RPS6KA2: variants seen among roughly 807,000 people sequenced by gnomAD.
RPS6KA2 encodes the protein ribosomal protein S6 kinase A2, also known as ribosomal protein S6 kinase alpha-2.
Under a neutral mutation model 91.8 loss-of-function variants are expected in RPS6KA2, and 42 were observed. The ratio of observed to expected loss-of-function variants is 0.46; its 90% confidence interval spans 0.36 to 0.59. The LOEUF (loss-of-function observed/expected upper bound fraction) is 0.59, where lower values mean the gene tolerates loss of function less well. Among genes scored for constraint, RPS6KA2 ranks in the 20% least tolerant of loss-of-function variants. The probability of loss-of-function intolerance (pLI) is 0.00; values close to 1 mark genes in which losing one functional copy is unlikely to be tolerated. For synonymous variants in RPS6KA2, 414 were observed against 393.6 expected (o/e 1.05, Z -0.61); for missense variants, 798 against 978.5 (o/e 0.82, Z 2.46).
At chr6:166,531,620 C>CA (rs1244658805) in intron 2 of RPS6KA2, among the ~76,000 whole-genome samples, 1 of 152,140 alleles carries the variant, frequency 6.6e-6, no homozygotes, top group African/African-American at 2.4e-5. Context: ...TTTAGAAAAA[C>CA]AAACAGGAGT....
chr6:166,653,059 A>C (rs2223407), intron 2 of RPS6KA2, among the ~76,000 whole-genome samples: 17,322 of 152,004 alleles, frequency 0.11, 1,068 homozygotes, highest in South Asian at 0.17. Flanking sequence ...TTTCTCTCCT[A>C]ATGATTTTCT....
chr6:166,595,946 A>C (rs764215598), intron 1 of RPS6KA2, among the ~76,000 whole-genome samples: 13 of 152,262 alleles, frequency 8.5e-5, no homozygotes, highest in Non-Finnish European at 1.5e-4. Context: ...ACTTATTGTA[A>C]TAGTATCCAA....
intron 3 of RPS6KA2, among the ~76,000 whole-genome samples, chr6:166,529,832 A>T (rs1469300224): frequency 6.6e-6 from 1 of 152,248 alleles, no homozygotes; most frequent in Non-Finnish European, 1.5e-5. Flanking sequence ...GACAATTCTA[A>T]TCAGGTCTAA....
intron 14 of RPS6KA2, among the ~76,000 whole-genome samples, chr6:166,439,241 C>T (rs943622468): frequency 6.6e-5 from 10 of 152,172 alleles, no homozygotes; most frequent in Middle Eastern, 3.4e-3. Context: ...CTGAGTAGTT[C>T]GGATTACAGG....
At chr6:166,839,907 T>C in intron 2 of RPS6KA2, among the ~76,000 whole-genome samples, 1 of 151,348 alleles carries the variant, frequency 6.6e-6, no homozygotes. Flanking sequence ...TGTGGACTTT[T>C]AAAATTAACT....
intron 2 of RPS6KA2, among the ~76,000 whole-genome samples, chr6:166,696,845 C>G (rs2128573610): frequency 6.6e-6 from 1 of 152,328 alleles, no homozygotes; most frequent in East Asian, 1.9e-4. Flanking sequence ...TGGACTCAAC[C>G]TGAAACACCA....
At position 166,563,875 on chromosome 6, in the gene RPS6KA2, T is replaced by C. The variant is rs528483223; in HGVS notation, c.100-25091A>G. ...TTGCCATCCATTTACAAATGAGCTT[T>C]ACCTATTTGTAAATTACGGGCTTTC... is the stretch of plus-strand genomic sequence containing the variant. On this transcript the variant is annotated intron_variant, in intron 1 of 20. Coordinates refer to ENST00000265678, the MANE Select transcript of RPS6KA2 (RefSeq NM_021135.6). This position sits in a 1 kb window ranked among gnomAD's most constrained non-coding sequence, Gnocchi z 4.1. Among the ~76,000 whole-genome samples the C allele has an allele frequency of 5.3e-5, 8 of 152,322 alleles. No individual in the cohort carries two copies. The highest frequency in any genetic ancestry group is 2.1e-4 in the South Asian group (1 of 4,816).
chr6:166,741,585 C>T (rs186941602), intron 2 of RPS6KA2, among the ~76,000 whole-genome samples: 64 of 152,340 alleles, frequency 4.2e-4, no homozygotes, highest in Admixed American at 7.2e-4. Flanking sequence ...ATTAGAGCCC[C>T]GGTGTCCTTT....
intron 3 of RPS6KA2, among the ~76,000 whole-genome samples, chr6:166,523,767 C>T (rs1782933878): frequency 6.6e-6 from 1 of 152,188 alleles, no homozygotes; most frequent in Non-Finnish European, 1.5e-5. Flanking sequence ...TTCTGAGTGA[C>T]TCAGTGCCTT....
intron 1 of RPS6KA2, among the ~76,000 whole-genome samples, chr6:166,552,345 G>A (rs1007569080): frequency 2.6e-5 from 4 of 152,274 alleles, no homozygotes; most frequent in South Asian, 4.1e-4. Flanking sequence ...GGTGCTTGGC[G>A]GTCCCCAGGA....
intron 12 of RPS6KA2, among the ~76,000 whole-genome samples, chr6:166,455,194 T>G (rs1454731357): frequency 6.6e-6 from 1 of 152,046 alleles, no homozygotes; most frequent in African/African-American, 2.4e-5. Context: ...CTCCACACGG[T>G]GCGGCAGGTG....
chr6:166,786,832 A>G (rs1778943036), intron 2 of RPS6KA2, among the ~76,000 whole-genome samples: 1 of 152,204 alleles, frequency 6.6e-6, no homozygotes, highest in Non-Finnish European at 1.5e-5. Context: ...TACTTTCATC[A>G]GTAGAGTAAT....
intron 10 of RPS6KA2, among the ~76,000 whole-genome samples, chr6:166,487,152 C>T (rs1781441277): frequency 6.6e-6 from 1 of 152,230 alleles, no homozygotes; most frequent in Non-Finnish European, 1.5e-5. Context: ...GGAAGTAACA[C>T]TTCTGGGCAA....
intron 10 of RPS6KA2, among the ~76,000 whole-genome samples, chr6:166,481,376 T>C (rs1394995438): frequency 1.3e-5 from 2 of 152,262 alleles, no homozygotes; most frequent in Non-Finnish European, 2.9e-5. Context: ...AAAAGGATAC[T>C]GATGTCTGAC....
At chr6:166,752,070 T>G (rs1039548710) in intron 2 of RPS6KA2, among the ~76,000 whole-genome samples, 1 of 152,252 alleles carries the variant, frequency 6.6e-6, no homozygotes, top group Non-Finnish European at 1.5e-5. Flanking sequence ...GGTCCATTTG[T>G]ACCTGGGTAT....
intron 2 of RPS6KA2, among the ~76,000 whole-genome samples, chr6:166,646,671 G>A (rs919159372): frequency 6.6e-6 from 1 of 152,172 alleles, no homozygotes; most frequent in African/African-American, 2.4e-5. Context: ...GTTTCACCAG[G>A]GGCTCCTCAC....
chr6:166,462,776 G>A (rs945669397), intron 11 of RPS6KA2, among the ~76,000 whole-genome samples: 3 of 152,242 alleles, frequency 2.0e-5, no homozygotes, highest in African/African-American at 4.8e-5. Flanking sequence ...CCCCTCGGCT[G>A]TGAGCCCAGG....
At chr6:166,553,514 TA>T (rs11348364) in intron 1 of RPS6KA2, among the ~76,000 whole-genome samples, 13,563 of 136,084 alleles carry the variant, frequency 0.1, 711 homozygotes, top group South Asian at 0.15. Flanking sequence ...AGGAGTCATT[TA>T]AAAAAAAAAA....
chr6:166,568,342 G>A (rs1040512519), intron 1 of RPS6KA2, among the ~76,000 whole-genome samples: 21 of 152,168 alleles, frequency 1.4e-4, no homozygotes, highest in East Asian at 1.4e-3. Context: ...GGCCAGGCGC[G>A]GTGACTCACG....
Sources: gnomAD v4.1 joint callset for allele counts (sites outside exome capture counted in the v4.1 genomes callset) on GRCh38, gnomAD v4.1.1 for gene constraint, Gnocchi (gnomAD v3.1) non-coding constraint, MANE v1.5 for transcripts, NCBI Gene and HGNC (gene_info 2026-07-23, HGNC 2026-07-21) for gene names.